The following AP3B1 variants were observed in gnomAD, a reference collection of about 807,000 sequenced individuals.
AP3B1 encodes the protein adaptor related protein complex 3 subunit beta 1.
Under a neutral mutation model 132.5 loss-of-function variants are expected in AP3B1, and 61 were observed. The observed-to-expected ratio is 0.46, with a 90% CI of 0.37 to 0.57. The LOEUF (loss-of-function observed/expected upper bound fraction) is 0.57, where lower values mean the gene tolerates loss of function less well. Ranked by LOEUF, AP3B1 falls within the 20% of genes least tolerant of loss-of-function variation. The pLI is 0.00. For synonymous variants in AP3B1, 388 were observed against 438.3 expected (o/e 0.89, Z 1.43); for missense variants, 1,120 against 1,289.4 (o/e 0.87, Z 2.01).
intron 22 of AP3B1, among the ~76,000 whole-genome samples, chr5:78,082,139 C>T (rs1750037836): frequency 6.6e-6 from 1 of 152,016 alleles, no homozygotes; most frequent in African/African-American, 2.4e-5. Context: ...TTCTAGTATC[C>T]AATTTGAGGG....
chr5:78,225,874 G>C (rs998970230), intron 5 of AP3B1, among the ~76,000 whole-genome samples: 2 of 151,824 alleles, frequency 1.3e-5, no homozygotes, highest in Non-Finnish European at 2.9e-5. Context: ...ACTTCTAAAA[G>C]AGTTGGAAAA....
At chr5:78,216,270 A>G in intron 6 of AP3B1, 33 bp from the exon 7 acceptor site, 2 of 1,596,492 alleles carry the variant, frequency 1.3e-6, no homozygotes, top group Non-Finnish European at 8.6e-7. Context: ...CTTATTAAAA[A>G]ATGTTTCTCC....
chr5:78,181,561 ATC>A lies in AP3B1; in HGVS notation c.886_887del (p.Asp296SerfsTer2). ...KKKKPYTMDP[D>X]HRLLIRNTKP... ...TTGTATTTCTAATTAAGAGTCTATGATCTGGATCCATAGTATACGGCTTCTTC... is the reference window on the plus strand; with the variant it reads ...TTGTATTTCTAATTAAGAGTCTATGATGGATCCATAGTATACGGCTTCTTC... On this transcript the variant is annotated frameshift_variant, in exon 8 of 27. Coordinates refer to ENST00000255194, the MANE Select transcript of AP3B1 (RefSeq NM_003664.5). LOFTEE classifies it high-confidence loss of function. The A allele has an allele frequency of 6.2e-7, 1 of 1,613,118 alleles. No individual in the cohort carries two copies. The highest frequency in any genetic ancestry group is 8.5e-7 in the Non-Finnish European group (1 of 1,179,448).
At chr5:78,005,048 G>A (rs902908627) in intron 26 of AP3B1, among the ~76,000 whole-genome samples, 3 of 152,102 alleles carry the variant, frequency 2.0e-5, no homozygotes, top group African/African-American at 7.2e-5. Flanking sequence ...CTGCTTCATA[G>A]GAGAATGCTG....
chr5:78,150,277 C>A (rs1167764594), intron 14 of AP3B1, among the ~76,000 whole-genome samples: 1 of 151,944 alleles, frequency 6.6e-6, no homozygotes, highest in Non-Finnish European at 1.5e-5. Context: ...TGAAGAAAAA[C>A]CAGAAGAGAA....
At chr5:78,204,044 T>C (rs1049752667) in intron 7 of AP3B1, among the ~76,000 whole-genome samples, 1 of 152,182 alleles carries the variant, frequency 6.6e-6, no homozygotes, top group Admixed American at 6.6e-5. Context: ...TTTAAAACCC[T>C]TGGGCTAGCA....
intron 3 of AP3B1, among the ~76,000 whole-genome samples, chr5:78,239,473 A>G (rs553879008): frequency 1.2e-4 from 16 of 129,950 alleles, no homozygotes; most frequent in South Asian, 4.8e-4. Context: ...CCTGTCTCAG[A>G]AAAAAAAAAA....
intron 11 of AP3B1, among the ~76,000 whole-genome samples, chr5:78,170,212 A>T (rs1743852632): frequency 6.6e-6 from 1 of 152,182 alleles, no homozygotes; most frequent in South Asian, 2.1e-4. Context: ...TGCCGCAATA[A>T]ACATACGTGT....
chr5:78,239,472 G>GAAAAAAAAAAAAAAAA (rs1302357220), intron 3 of AP3B1, among the ~76,000 whole-genome samples: 1 of 39,514 alleles, frequency 2.5e-5, no homozygotes. Flanking sequence ...CCCTGTCTCA[G>GAAAAAAAAAAAAAAAA]AAAAAAAAAA....
intron 22 of AP3B1, among the ~76,000 whole-genome samples, chr5:78,044,732 C>T (rs562567285): frequency 6.6e-6 from 1 of 152,316 alleles, no homozygotes; most frequent in South Asian, 2.1e-4. Flanking sequence ...TTGGCAGACT[C>T]ACTGATTCCT....
intron 1 of AP3B1, among the ~76,000 whole-genome samples, chr5:78,293,628 G>A (rs1458400318): frequency 6.6e-6 from 1 of 152,040 alleles, no homozygotes; most frequent in African/African-American, 2.4e-5. Context: ...ACTATTATGT[G>A]ACCCTATTGC....
chr5:78,102,102 T>A (rs1406016870), intron 20 of AP3B1, among the ~76,000 whole-genome samples: 3 of 152,112 alleles, frequency 2.0e-5, no homozygotes, highest in African/African-American at 7.2e-5. Flanking sequence ...ACCAAAAGTC[T>A]ATAGCTTATT....
chr5:78,162,487 G>A (rs1185402764), intron 13 of AP3B1, among the ~76,000 whole-genome samples: 1 of 152,072 alleles, frequency 6.6e-6, no homozygotes, highest in African/African-American at 2.4e-5. Context: ...CCAATATTAT[G>A]CATGACTTAC....
chr5:78,236,339 A>C (rs1278099292), intron 3 of AP3B1, among the ~76,000 whole-genome samples: 1 of 142,584 alleles, frequency 7.0e-6, no homozygotes, highest in Non-Finnish European at 1.5e-5. Flanking sequence ...ATTTCTACCC[A>C]TAACTAAAAC....
At chr5:78,173,972 A>C (rs1376500001) in intron 11 of AP3B1, among the ~76,000 whole-genome samples, 1 of 152,094 alleles carries the variant, frequency 6.6e-6, no homozygotes, top group Non-Finnish European at 1.5e-5. Context: ...ACTTGATCGA[A>C]TCGGCTATTG....
chr5:78,294,674 C>G lies in AP3B1; in HGVS notation c.-95G>C, dbSNP rs1749682490. 1 of 1,588,684 alleles carries G rather than the reference C, an allele frequency of 6.3e-7. No homozygotes were observed. Among genetic ancestry groups the G allele is most frequent in the South Asian group, 1.1e-5 (1 of 90,370 alleles). Reference sequence around the variant, plus strand: ...GCACGGAACAAAACTAGTTCTCGTACGGAGGAGCGCGCGCAGGCGCTTCCG... The same window carrying G: ...GCACGGAACAAAACTAGTTCTCGTAGGGAGGAGCGCGCGCAGGCGCTTCCG... On this transcript the variant is annotated 5_prime_UTR_variant, in exon 1 of 27. Coordinates refer to ENST00000255194, the MANE Select transcript of AP3B1 (RefSeq NM_003664.5).
At chr5:78,070,906 C>T (rs551546801) in intron 22 of AP3B1, among the ~76,000 whole-genome samples, 39 of 152,128 alleles carry the variant, frequency 2.6e-4, no homozygotes, top group African/African-American at 8.7e-4. Flanking sequence ...AGTCAAGAAA[C>T]GACAGATGCT....
chr5:78,166,243 A>G (rs554096479), intron 11 of AP3B1, among the ~76,000 whole-genome samples: 44 of 152,276 alleles, frequency 2.9e-4, no homozygotes, highest in African/African-American at 1.0e-3. Context: ...TCTTATGTCC[A>G]CAAACAGATA....
At chr5:78,084,326 A>G (rs1018497217) in intron 22 of AP3B1, among the ~76,000 whole-genome samples, 3 of 151,950 alleles carry the variant, frequency 2.0e-5, no homozygotes, top group African/African-American at 7.3e-5. Context: ...ACCAACAAAA[A>G]TTAAAAAATT....
Sources: allele counts gnomAD v4.1 joint callset (sites outside exome capture counted in the v4.1 genomes callset), GRCh38; gene constraint gnomAD v4.1.1; transcripts MANE v1.5; gene names NCBI Gene and HGNC (gene_info 2026-07-23, HGNC 2026-07-21).